Variants in TRAPPC13 observed in about 807,000 individuals in gnomAD.
TRAPPC13 encodes the protein REV7-interacting novel NHEJ regulator 1.
Under a neutral mutation model 54.0 loss-of-function variants are expected in TRAPPC13, and 39 were observed. That is an observed-to-expected ratio of 0.72 (90% CI 0.56 to 0.94). The LOEUF is 0.94. Among genes scored for constraint, TRAPPC13 ranks in the 40% least tolerant of loss-of-function variants. The pLI, the probability that TRAPPC13 is intolerant of heterozygous loss-of-function variation, is 0.00. For missense variants in TRAPPC13, 386 were observed against 488.1 expected, an observed-to-expected ratio of 0.79 and a Z score of 1.97; for synonymous variants, 148 against 167.7, an observed-to-expected ratio of 0.88 and a Z score of 0.91.
At position 65,629,730 on chromosome 5, in the gene TRAPPC13, A is replaced by G. The variant is rs1021588517; in HGVS notation, c.46+4624A>G. ...CCTTGGTTTCCATATGATGGGTCCA[A>G]GCTTCCACTCAGACCTAAAAGATCA... is the stretch of plus-strand genomic sequence containing the variant. On this transcript the variant is annotated intron_variant, in intron 1 of 12. Transcript: ENST00000399438. 17 of 1,535,984 alleles carry G rather than the reference A, an allele frequency of 1.1e-5. No individual in the cohort carries two copies. In the Admixed American group the frequency reaches 1.8e-4, roughly 16 times the overall value.
At chr5:65,630,876 A>G (rs1755518063) in intron 1 of TRAPPC13, 1 of 169,074 alleles carries the variant, frequency 5.9e-6, no homozygotes. Context: ...GAAGGAAAGT[A>G]TCAAATGTTG....
intron 8 of TRAPPC13, among the ~76,000 whole-genome samples, chr5:65,656,783 G>T (rs905494765): frequency 3.3e-5 from 5 of 151,926 alleles, no homozygotes; most frequent in African/African-American, 7.3e-5. Flanking sequence ...GCACTTGCCC[G>T]TAATCCCAGT....
At chr5:65,636,647 C>T (rs1755762050) in intron 3 of TRAPPC13, among the ~76,000 whole-genome samples, 1 of 152,030 alleles carries the variant, frequency 6.6e-6, no homozygotes, top group African/African-American at 2.4e-5. Context: ...ACATCTTTTT[C>T]AGAAGCCAGT....
chr5:65,652,773 A>G (rs1756515823), intron 7 of TRAPPC13: 2 of 564,600 alleles, frequency 3.5e-6, no homozygotes, highest in Admixed American at 6.1e-5. Flanking sequence ...CGTTAATTTT[A>G]TAAGGCTTTC....
chr5:65,650,580 A>C (rs1756391179), intron 5 of TRAPPC13, among the ~76,000 whole-genome samples: 1 of 152,190 alleles, frequency 6.6e-6, no homozygotes, highest in Non-Finnish European at 1.5e-5. Context: ...GAAGTCAGGA[A>C]GTTTCTGATT....
intron 10 of TRAPPC13, 98 bp downstream of exon 10, chr5:65,660,995 C>A: frequency 1.9e-6 from 2 of 1,029,540 alleles, no homozygotes; most frequent in Non-Finnish European, 1.4e-6. Context: ...AAAATTGGAG[C>A]ACTATAAAAG....
At chr5:65,629,661 A>G in intron 1 of TRAPPC13, 2 of 1,536,052 alleles carry the variant, frequency 1.3e-6, no homozygotes, top group Non-Finnish European at 1.7e-6. Context: ...ATTGCAGAAA[A>G]AGCAATTCAA....
chr5:65,664,538 TAAAG>T lies in TRAPPC13; in HGVS notation c.1183_1186del (p.Lys395GlufsTer29). Reference sequence around the variant, plus strand: ...GGCTTAAGACTAACAGACACATTCTTAAAGAGAACATATGAATATGATGACATCG... The same window carrying T: ...GGCTTAAGACTAACAGACACATTCTTAGAACATATGAATATGATGACATCG... On this transcript the variant is annotated frameshift_variant, in exon 13 of 13. Transcript: ENST00000399438. LOFTEE classifies it high-confidence loss of function. The T allele has an allele frequency of 1.9e-6, 3 of 1,612,050 alleles. No individual in the cohort carries two copies. Among genetic ancestry groups the T allele is most frequent in the Non-Finnish European group, 1.7e-6 (2 of 1,179,498 alleles).
intron 7 of TRAPPC13, 188 bp downstream of exon 7, chr5:65,652,733 A>T: frequency 1.6e-6 from 1 of 641,640 alleles, no homozygotes; most frequent in Non-Finnish European, 2.8e-6. Flanking sequence ...TTCAGCTTAC[A>T]TGGAATCAAT....
At position 65,643,361 on chromosome 5, in the gene TRAPPC13, A is replaced by G. The variant is rs544345164; in HGVS notation, c.301-3694A>G. ...TGGCTGTAAAGTTAGAGATATATAT[A>G]TATATTCATAAGAGCTATTTTATCA... On this transcript the variant is annotated intron_variant, in intron 4 of 12. Transcript: ENST00000399438. Among the ~76,000 whole-genome samples, 20 of 152,178 alleles carry G rather than the reference A, an allele frequency of 1.3e-4. No individual in the cohort carries two copies. The East Asian group carries it at 1.5e-3, about 12-fold the overall frequency.
chr5:65,626,259 C>T (rs771929149), intron 1 of TRAPPC13: 14 of 152,198 alleles, frequency 9.2e-5, no homozygotes, highest in Admixed American at 2.0e-4. Context: ...TCCAAGATCA[C>T]ATAGCTAGTG....
intron 1 of TRAPPC13, among the ~76,000 whole-genome samples, chr5:65,633,856 G>C (rs1257888432): frequency 6.7e-6 from 1 of 150,238 alleles, no homozygotes; most frequent in African/African-American, 2.5e-5. Flanking sequence ...TTCCCAGATA[G>C]CTAACCATGT....
chr5:65,631,349 A>G (rs1755536294), intron 1 of TRAPPC13, among the ~76,000 whole-genome samples: 1 of 152,212 alleles, frequency 6.6e-6, no homozygotes, highest in South Asian at 2.1e-4. Context: ...GTTGCTTAAA[A>G]TGGAAGCCCA....
intron 4 of TRAPPC13, among the ~76,000 whole-genome samples, chr5:65,638,122 C>A (rs1213194486): frequency 1.4e-3 from 171 of 125,916 alleles, no homozygotes; most frequent in South Asian, 2.0e-3. Flanking sequence ...GACTCCATCT[C>A]AAAAAAAAAA....
Position 65,660,680 on chromosome 5 carries a change from C to A in TRAPPC13, c.699-19C>A. 6.5e-7 allele frequency: 1 copy of A among 1,548,536 alleles called. No individual in the cohort carries two copies. The highest frequency in any genetic ancestry group is 1.2e-5 in the South Asian group (1 of 80,554). On this transcript the variant is annotated intron_variant, in intron 9 of 12. Coordinates refer to ENST00000399438, the MANE Select transcript of TRAPPC13 (RefSeq NM_024941.4). ...AGATGCTAGAGAATTTTCTCCGTCT[C>A]TGTCTCCACCCCTCTCAGTGTGTCT...
chr5:65,649,076 C>T (rs1300330433), intron 5 of TRAPPC13, among the ~76,000 whole-genome samples: 1 of 152,054 alleles, frequency 6.6e-6, no homozygotes, highest in Admixed American at 6.5e-5. Context: ...ATTAGCCAGA[C>T]ATGATAGAGC....
chr5:65,660,936 G>A, intron 10 of TRAPPC13, 39 bp downstream of exon 10: 2 of 1,532,890 alleles, frequency 1.3e-6, no homozygotes, highest in Non-Finnish European at 1.8e-6. Context: ...TTTGGTGTGT[G>A]AAAGACAGGT....
chr5:65,665,636 AG>A lies in TRAPPC13; in HGVS notation c.*1027del, dbSNP rs1354018774. On this transcript the variant is annotated 3_prime_UTR_variant, in exon 13 of 13. Transcript: ENST00000399438. Reference sequence around the variant, plus strand: ...ATTGATTAAGCCACTTATTTTTATAAGGTATATTTAAATAATTCCCATCTTC... The same window carrying A: ...ATTGATTAAGCCACTTATTTTTATAAGTATATTTAAATAATTCCCATCTTC... 6.6e-6 allele frequency: 1 copy of A among 152,098 alleles called. No individual in the cohort carries two copies. Among genetic ancestry groups the A allele is most frequent in the African/African-American group, 2.4e-5 (1 of 41,438 alleles). The allele number at this position is 152,098 out of a possible 1,614,324, so 9.4% of individuals were successfully genotyped here.
rs546294989 is a variant in TRAPPC13 at position 65,665,901 on chromosome 5, A to G, written c.*1290A>G. 6.5e-6 allele frequency: 1 copy of G among 152,760 alleles called. No individual in the cohort carries two copies. The highest frequency in any genetic ancestry group is 1.5e-5 in the Non-Finnish European group (1 of 68,004). The allele number at this position is 152,760 out of a possible 1,614,324, so 9.5% of individuals were successfully genotyped here. On this transcript the variant is annotated 3_prime_UTR_variant, in exon 13 of 13. Transcript: ENST00000399438. ...AATGTATATATAATTTCTTAAATGT[A>G]AGAGTGCATTAAATCAAATACAAAA...
Sources: gnomAD v4.1 joint callset for allele counts (sites outside exome capture counted in the v4.1 genomes callset) on GRCh38, gnomAD v4.1.1 for gene constraint, MANE v1.5 for transcripts, NCBI Gene and HGNC (gene_info 2026-07-23, HGNC 2026-07-21) for gene names.